The following SCAF4 variants were observed in gnomAD, a reference collection of about 807,000 sequenced individuals.
SCAF4 encodes the protein SR-related CTD associated factor 4.
In SCAF4, 25 loss-of-function variants were observed where a neutral mutation model predicts 129.8. The ratio of observed to expected loss-of-function variants is 0.19; its 90% CI spans 0.14 to 0.27. The LOEUF is 0.27. SCAF4 is among the 10% of genes least tolerant of loss of function. The pLI, the probability that SCAF4 is intolerant of heterozygous loss-of-function variation, is 1.00. For missense variants in SCAF4, 1,246 were observed against 1,457.1 expected (o/e 0.86, Z 2.36); for synonymous variants, 551 against 497.7 (o/e 1.11, Z -1.43).
intron 1 of SCAF4, among the ~76,000 whole-genome samples, chr21:31,717,564 A>G (rs2050948146): frequency 6.6e-6 from 1 of 152,150 alleles, no homozygotes; most frequent in South Asian, 2.1e-4. Context: ...ACTAAGTGAT[A>G]AAGAAATATG....
At chr21:31,678,781 T>C (rs936311522) in intron 19 of SCAF4, among the ~76,000 whole-genome samples, 1 of 152,194 alleles carries the variant, frequency 6.6e-6, no homozygotes, top group African/African-American at 2.4e-5. Flanking sequence ...ATGCCTTCCC[T>C]AGCAATCGTA....
intron 1 of SCAF4, among the ~76,000 whole-genome samples, chr21:31,723,611 TG>T (rs2051126888): frequency 1.7e-4 from 19 of 114,926 alleles, no homozygotes; most frequent in African/African-American, 5.3e-4. Context: ...ATTTATATGA[TG>T]TGTGTGTGTG....
intron 1 of SCAF4, among the ~76,000 whole-genome samples, chr21:31,708,548 T>C (rs543085705): frequency 5.3e-5 from 8 of 152,336 alleles, no homozygotes; most frequent in Admixed American, 5.2e-4. Flanking sequence ...AGGTATATTC[T>C]GTTATAAAAT....
rs2050550467 is a variant in SCAF4, at chr21:31,702,241, T to C, written c.457+3A>G. ...GTGAGCTCACAGATACATCTGACCA[T>C]ACCTTCATTATTGGTAACATTTTCT... On this transcript the variant is annotated splice_donor_region_variant and intron_variant, in intron 5 of 19. Coordinates refer to ENST00000286835, the MANE Select transcript of SCAF4 (RefSeq NM_020706.2). 3 of 1,614,034 alleles carry C rather than the reference T, an allele frequency of 1.9e-6. No homozygotes were observed. Among genetic ancestry groups the C allele is most frequent in the Non-Finnish European group, 2.5e-6 (3 of 1,179,942 alleles).
intron 1 of SCAF4, among the ~76,000 whole-genome samples, chr21:31,712,401 A>G (rs1019449170): frequency 3.3e-5 from 5 of 151,308 alleles, no homozygotes; most frequent in Non-Finnish European, 5.9e-5. Flanking sequence ...CATTTTTAGT[A>G]GAGATGGGGT....
chr21:31,711,460 A>T (rs1372997365), intron 1 of SCAF4, among the ~76,000 whole-genome samples: 1 of 152,234 alleles, frequency 6.6e-6, no homozygotes, highest in Non-Finnish European at 1.5e-5. Flanking sequence ...AAGCATGTAC[A>T]TTGACACTGT....
chr21:31,707,312 C>G (rs112060372), intron 1 of SCAF4, among the ~76,000 whole-genome samples: 7,750 of 152,224 alleles, frequency 0.051, 232 homozygotes, highest in African/African-American at 0.068. Context: ...AAGACTGCAT[C>G]ACTGCACTCC....
chr21:31,690,434 A>G (rs1165227616), intron 15 of SCAF4, among the ~76,000 whole-genome samples: 1 of 152,162 alleles, frequency 6.6e-6, no homozygotes, highest in Non-Finnish European at 1.5e-5. Context: ...GCAGTGACCC[A>G]AGATTGCATC....
chr21:31,678,029 C>G (rs1568823188), intron 19 of SCAF4, among the ~76,000 whole-genome samples: 1 of 152,176 alleles, frequency 6.6e-6, no homozygotes, highest in Non-Finnish European at 1.5e-5. Context: ...ATTTTGTCCT[C>G]AGACCTCTCA....
At chr21:31,687,531 C>T (rs2050154784) in intron 16 of SCAF4, among the ~76,000 whole-genome samples, 1 of 152,070 alleles carries the variant, frequency 6.6e-6, no homozygotes, top group African/African-American at 2.4e-5. Flanking sequence ...GCTGACTAGA[C>T]AGCAAATATT....
At chr21:31,719,495 A>T (rs1375221838) in intron 1 of SCAF4, among the ~76,000 whole-genome samples, 1 of 151,810 alleles carries the variant, frequency 6.6e-6, no homozygotes, top group African/African-American at 2.4e-5. Flanking sequence ...CTAATGTATT[A>T]TTATTCTTCT....
chr21:31,702,358 T>G lies in SCAF4; in HGVS notation c.343A>C (p.Asn115His), dbSNP rs773098345. Reference sequence around the variant, plus strand: ...AACACTCCATTTTTTTGCCAAAGGTTCAGCACACGAACTATTTTACTCTGT... The same window carrying G: ...AACACTCCATTTTTTTGCCAAAGGTGCAGCACACGAACTATTTTACTCTGT... ...EDKSKIVRVL[N>H]LWQKNGVFKI... The change falls in exon 5 of 20, where the codon AAC becomes CAC. Residue 115 changes from asparagine to histidine, a missense_variant. By Grantham distance (68) the Asn-to-His change is moderately conservative. Coordinates refer to ENST00000286835, the MANE Select transcript of SCAF4 (RefSeq NM_020706.2). The G allele has an allele frequency of 6.2e-7, 1 of 1,614,032 alleles. No homozygotes were observed. The highest frequency in any genetic ancestry group is 1.7e-5 in the Admixed American group (1 of 60,006).
chr21:31,731,761 G>A lies in SCAF4; in HGVS notation c.-69C>T. ...AGACCTCGCGCCGCGGCGGAGCGGGGCTGGGAAACCAGCCGGGCCTGGTGG... is the reference window on the plus strand; with the variant it reads ...AGACCTCGCGCCGCGGCGGAGCGGGACTGGGAAACCAGCCGGGCCTGGTGG... On this transcript the variant is annotated 5_prime_UTR_variant, in exon 1 of 20. Coordinates refer to ENST00000286835, the MANE Select transcript of SCAF4 (RefSeq NM_020706.2). 5.2e-6 allele frequency: 8 copies of A among 1,526,204 alleles called. No individual in the cohort carries two copies. Among genetic ancestry groups the A allele is most frequent in the Non-Finnish European group, 7.0e-6 (8 of 1,144,114 alleles). 94.5% of individuals were successfully genotyped at this position (1,526,204 alleles called of 1,614,324 possible).
intron 1 of SCAF4, among the ~76,000 whole-genome samples, chr21:31,726,945 C>T (rs2051219984): frequency 6.6e-6 from 1 of 152,104 alleles, no homozygotes; most frequent in African/African-American, 2.4e-5. Flanking sequence ...ATTGCCTCTC[C>T]TGCAAGTGGG....
At chr21:31,723,643 C>T (rs900293185) in intron 1 of SCAF4, among the ~76,000 whole-genome samples, 18 of 145,856 alleles carry the variant, frequency 1.2e-4, no homozygotes, top group Admixed American at 2.7e-4. Context: ...CGCGCGCGCG[C>T]GCGCACATAC....
chr21:31,685,309 C>A, intron 18 of SCAF4, 69 bp from the exon 19 acceptor site: 1 of 1,493,304 alleles, frequency 6.7e-7, no homozygotes, highest in Non-Finnish European at 9.3e-7. Flanking sequence ...CATTCTTATG[C>A]CATACTATAG....
rs1204006971 is a variant in SCAF4, at chr21:31,671,091, G to A, written c.*308C>T. 1.3e-4 allele frequency: 30 copies of A among 239,916 alleles called. 1 individual carries two copies. Among genetic ancestry groups the A allele is most frequent in the East Asian group, 6.1e-4 (7 of 11,460 alleles). The allele number at this position is 239,916 out of a possible 1,614,324, so 14.9% of individuals were successfully genotyped here. A position where few individuals can be genotyped will look rare whatever the true frequency, so the allele number is the denominator to read the frequency against. On this transcript the variant is annotated 3_prime_UTR_variant, in exon 20 of 20. Coordinates refer to ENST00000286835, the MANE Select transcript of SCAF4 (RefSeq NM_020706.2). ...CCTATTGTTTTGAGGAGCTTTCACC[G>A]TTACCTTGTCTTAAATTAAAAAAAA...
chr21:31,696,276 CACTT>C, intron 8 of SCAF4, 55 bp from the exon 9 acceptor site: 1 of 1,346,106 alleles, frequency 7.4e-7, no homozygotes, highest in Non-Finnish European at 1.1e-6. Context: ...TTCTCAGCCA[CACTT>C]AAATTACAGA....
At chr21:31,710,353 G>A (rs1489563650) in intron 1 of SCAF4, among the ~76,000 whole-genome samples, 7 of 151,694 alleles carry the variant, frequency 4.6e-5, no homozygotes, top group East Asian at 1.9e-4. Context: ...GTTCGAGACC[G>A]GCCTGGCCAA....
Sources: allele counts gnomAD v4.1 joint callset (sites outside exome capture counted in the v4.1 genomes callset), GRCh38; gene constraint gnomAD v4.1.1; transcripts MANE v1.5; gene names NCBI Gene and HGNC (gene_info 2026-07-23, HGNC 2026-07-21).